Variants in MGRN1 observed in about 807,000 individuals in gnomAD.
MGRN1 encodes mahogunin ring finger 1, also known as E3 ubiquitin-protein ligase MGRN1.
MGRN1 carries 29 observed loss-of-function variants against 69.2 expected under a neutral mutation model. That is an observed-to-expected ratio of 0.42 (90% CI 0.31 to 0.57). The LOEUF is 0.57. Ranked by LOEUF, MGRN1 falls within the 20% of genes least tolerant of loss-of-function variation. The pLI is 0.15. For synonymous variants in MGRN1, 470 were observed against 344.2 expected, an observed-to-expected ratio of 1.37 and a Z score of -4.04; for missense variants, 998 against 796.2, an observed-to-expected ratio of 1.25 and a Z score of -3.05.
intron 4 of MGRN1, among the ~76,000 whole-genome samples, chr16:4,654,408 AG>A (rs2078483495): frequency 6.6e-6 from 1 of 152,254 alleles, no homozygotes; most frequent in Non-Finnish European, 1.5e-5. Flanking sequence ...ATTTGAGATA[AG>A]GGTCCTTCTG....
rs535315824 is a variant in MGRN1, at chr16:4,628,305, G to A, written c.88+3257G>A. On this transcript the variant is annotated intron_variant, in intron 1 of 16. Coordinates refer to ENST00000262370, the MANE Select transcript of MGRN1 (RefSeq NM_015246.4). ...GGAGGCTGAGGCAGGAGAATGGCAT[G>A]AACCCGGGAGGTGAAGCTTGCAGTG... 4.4e-3 allele frequency among the ~76,000 whole-genome samples: 648 copies of A among 148,346 alleles called. 4 individuals are homozygous for A. The highest frequency in any genetic ancestry group is 9.5e-3 in the Admixed American group (140 of 14,694).
At chr16:4,675,098 G>C (rs1489767219) in intron 10 of MGRN1, among the ~76,000 whole-genome samples, 1 of 152,066 alleles carries the variant, frequency 6.6e-6, no homozygotes, top group Non-Finnish European at 1.5e-5. Context: ...TCAGCCTCCT[G>C]AGTTGCTGGG....
chr16:4,678,069 A>T (rs1430047537), intron 11 of MGRN1, among the ~76,000 whole-genome samples: 1 of 151,888 alleles, frequency 6.6e-6, no homozygotes, highest in South Asian at 2.1e-4. Context: ...CTGGTCTCGA[A>T]CTCTTGGGCT....
At chr16:4,688,294 T>C (rs987316725) in intron 16 of MGRN1, 57 of 986,608 alleles carry the variant, frequency 5.8e-5, no homozygotes, top group South Asian at 1.4e-4. Context: ...AGTCTGGGCA[T>C]TGGGGCTCTG....
Position 4,673,649 on chromosome 16 carries a change from GC to G in MGRN1, c.949del (p.Arg317GlyfsTer181). The G allele has an allele frequency of 6.2e-7, 1 of 1,612,882 alleles. No individual in the cohort carries two copies. The highest frequency in any genetic ancestry group is 8.5e-7 in the Non-Finnish European group (1 of 1,179,712). On this transcript the variant is annotated frameshift_variant, in exon 10 of 17. Transcript: ENST00000262370. LOFTEE classifies it high-confidence loss of function. ...LRYQANNCPI[C>X]RLPFRALLQI... ...TACCAGGCCAACAACTGCCCCATCT[GC>G]CGGCTGCGTGAGTTCCCCGGCCGGC... is the stretch of plus-strand genomic sequence containing the variant.
At position 4,657,267 on chromosome 16, in the gene MGRN1, G is replaced by A. The variant is rs770737448; in HGVS notation, c.465G>A (p.Ser155=). Residue 155 remains serine (S), a synonymous_variant, in exon 5 of 17, where the codon TCG becomes TCA. Transcript: ENST00000262370. ...GCAGATACAGCCCCAAGAGCCCCTCGCTACAGTCCGAGACCGTCCACTACA... is the reference window on the plus strand; with the variant it reads ...GCAGATACAGCCCCAAGAGCCCCTCACTACAGTCCGAGACCGTCCACTACA... The part of the protein sequence containing the change: ...GRAVYSPKSP[S]LQSETVHYKR... The A allele has an allele frequency of 5.6e-6, 9 of 1,613,878 alleles. No homozygotes were observed. Among genetic ancestry groups the A allele is most frequent in the South Asian group, 3.3e-5 (3 of 91,074 alleles).
At chr16:4,686,198 G>A (rs2079313874) in intron 16 of MGRN1, 1 of 1,531,048 alleles carries the variant, frequency 6.5e-7, no homozygotes, top group Non-Finnish European at 8.8e-7. Flanking sequence ...TGCTGTGGCT[G>A]TGCTGGCTGC....
At chr16:4,636,161 A>G (rs909924934) in intron 1 of MGRN1, among the ~76,000 whole-genome samples, 1 of 152,078 alleles carries the variant, frequency 6.6e-6, no homozygotes, top group Non-Finnish European at 1.5e-5. Flanking sequence ...ATAAATGATC[A>G]CAAAATGAAC....
chr16:4,662,291 G>C (rs2078700718), intron 5 of MGRN1, among the ~76,000 whole-genome samples: 1 of 152,116 alleles, frequency 6.6e-6, no homozygotes, highest in African/African-American at 2.4e-5. Flanking sequence ...GAGTTAGTCG[G>C]ATCACTGGCG....
chr16:4,657,620 G>A (rs2078576856), intron 5 of MGRN1, among the ~76,000 whole-genome samples: 2 of 152,014 alleles, frequency 1.3e-5, no homozygotes, highest in Non-Finnish European at 2.9e-5. Flanking sequence ...GGTTTGGGGA[G>A]ATGTGAAGAA....
chr16:4,648,524 G>C (rs535032753), intron 1 of MGRN1, among the ~76,000 whole-genome samples: 1 of 106,518 alleles, frequency 9.4e-6, no homozygotes, highest in Non-Finnish European at 1.8e-5. Context: ...TCCTCCCGGG[G>C]CTCTTCCCGT....
At chr16:4,677,348 G>C in intron 10 of MGRN1, 115 bp from the exon 11 acceptor site, 1 of 597,922 alleles carries the variant, frequency 1.7e-6, no homozygotes. Context: ...TCTGGAAGCG[G>C]GGTCACCCCA....
At chr16:4,663,512 A>G (rs1278612635) in intron 5 of MGRN1, among the ~76,000 whole-genome samples, 1 of 151,738 alleles carries the variant, frequency 6.6e-6, no homozygotes, top group South Asian at 2.1e-4. Context: ...GTAAATCTTC[A>G]TTGAGAAATA....
rs1897586233 is a variant in MGRN1 at position 4,624,898 on chromosome 16, A to AC, written c.-59dup. The AC allele has an allele frequency of 7.1e-7, 1 of 1,404,464 alleles. No homozygotes were observed. The highest frequency in any genetic ancestry group is 3.2e-5 in the East Asian group (1 of 31,668). The allele number at this position is 1,404,464 out of a possible 1,614,324, so 87.0% of individuals were successfully genotyped here. A position where few individuals can be genotyped will look rare whatever the true frequency, so the allele number is the denominator to read the frequency against. Reference sequence around the variant, plus strand: ...TGGTCCGGGCCATGTCCGCGTGAGGACCCCGCCGCTGTCGCCGCTCCCGTT... The same window carrying AC: ...TGGTCCGGGCCATGTCCGCGTGAGGACCCCCGCCGCTGTCGCCGCTCCCGTT... On this transcript the variant is annotated 5_prime_UTR_variant, in exon 1 of 17. Transcript: ENST00000262370.
At chr16:4,655,952 C>T (rs961001128) in intron 4 of MGRN1, among the ~76,000 whole-genome samples, 1 of 152,250 alleles carries the variant, frequency 6.6e-6, no homozygotes, top group Admixed American at 6.5e-5. Context: ...CCCGGGCCTC[C>T]CCTGTAGTGC....
Position 4,682,815 on chromosome 16 carries a change from G to A in MGRN1, c.1359-8G>A. 2 of 1,555,386 alleles carry A rather than the reference G, an allele frequency of 1.3e-6. No individual in the cohort carries two copies. The highest frequency in any genetic ancestry group is 1.7e-6 in the Non-Finnish European group (2 of 1,144,792). ...CTCACCCCTGCCCACCCTCTCCTCT[G>A]TCCCCAGCACCCTACGGTCCCCGTC... On this transcript the variant is annotated splice_polypyrimidine_tract_variant and splice_region_variant and intron_variant, in intron 13 of 16. Transcript: ENST00000262370.
At chr16:4,680,869 C>T (rs139863784) in intron 12 of MGRN1, among the ~76,000 whole-genome samples, 1 of 152,226 alleles carries the variant, frequency 6.6e-6, no homozygotes, top group Admixed American at 6.5e-5. Flanking sequence ...CTTCCAGGAG[C>T]TCGGTCAGGC....
At chr16:4,641,820 C>T (rs2078166157) in intron 1 of MGRN1, among the ~76,000 whole-genome samples, 1 of 151,996 alleles carries the variant, frequency 6.6e-6, no homozygotes, top group Admixed American at 6.6e-5. Flanking sequence ...CGCCTGGCCA[C>T]TTTTTGTATT....
Position 4,689,670 on chromosome 16 carries a change from G to A in MGRN1, c.*762G>A, listed in dbSNP as rs953335374. ...TGGTGACATCACAAGGCCCCTCCAG[G>A]TGCAGGGGCTTCTGTTTGGCAGGCC... On this transcript the variant is annotated 3_prime_UTR_variant, in exon 17 of 17. Transcript: ENST00000262370. The A allele has an allele frequency of 6.6e-6, 1 of 152,230 alleles. No individual in the cohort carries two copies. The highest frequency in any genetic ancestry group is 2.4e-5 in the African/African-American group (1 of 41,450). 9.4% of individuals were successfully genotyped at this position (152,230 alleles called of 1,614,324 possible). A position where few individuals can be genotyped will look rare whatever the true frequency, so the allele number is the denominator to read the frequency against.
Sources: allele counts gnomAD v4.1 joint callset (sites outside exome capture counted in the v4.1 genomes callset), GRCh38; gene constraint gnomAD v4.1.1; transcripts MANE v1.5; gene names NCBI Gene and HGNC (gene_info 2026-07-23, HGNC 2026-07-21).